The following GRM5 variants were observed in gnomAD, a reference collection of about 807,000 sequenced individuals.
GRM5 encodes metabotropic glutamate receptor 5.
Under a neutral mutation model 83.1 loss-of-function variants are expected in GRM5, and 19 were observed. That is an observed-to-expected ratio of 0.23 (90% CI 0.16 to 0.34). The LOEUF (loss-of-function observed/expected upper bound fraction) is 0.34. GRM5 is among the 10% of genes least tolerant of loss of function. The probability of loss-of-function intolerance (pLI) is 1.00; values close to 1 mark genes in which losing one functional copy is unlikely to be tolerated. For synonymous variants in GRM5, 675 were observed against 633.6 expected (o/e 1.07, Z -0.98); for missense variants, 1,160 against 1,588.3 (o/e 0.73, Z 4.58).
At chr11:88,709,908 G>C (rs1453285768) in intron 3 of GRM5, among the ~76,000 whole-genome samples, 2 of 152,134 alleles carry the variant, frequency 1.3e-5, no homozygotes, top group Non-Finnish European at 2.9e-5. Context: ...GGAGGAAGTT[G>C]GAAAGAAAGC....
intron 2 of GRM5, among the ~76,000 whole-genome samples, chr11:88,868,822 G>A (rs1303911010): frequency 2.0e-5 from 3 of 151,680 alleles, no homozygotes; most frequent in Non-Finnish European, 4.4e-5. Flanking sequence ...AAAGCAAATT[G>A]GAACAGATAT....
chr11:88,786,468 A>G (rs959750483), intron 3 of GRM5, among the ~76,000 whole-genome samples: 2 of 152,062 alleles, frequency 1.3e-5, no homozygotes, highest in South Asian at 2.1e-4. Flanking sequence ...ACATTAACCA[A>G]TCTACTCTCT....
intron 2 of GRM5, among the ~76,000 whole-genome samples, chr11:88,962,078 G>A (rs1938801063): frequency 6.6e-6 from 1 of 152,208 alleles, no homozygotes; most frequent in African/African-American, 2.4e-5. Context: ...AGATGCATAA[G>A]TAGTGCATAA....
At chr11:88,992,702 T>C (rs1170920641) in intron 2 of GRM5, among the ~76,000 whole-genome samples, 2 of 151,542 alleles carry the variant, frequency 1.3e-5, no homozygotes, top group East Asian at 3.9e-4. Context: ...AAATGATGAG[T>C]TCATGTCCTT....
At chr11:88,972,637 T>C (rs1939202659) in intron 2 of GRM5, among the ~76,000 whole-genome samples, 1 of 152,144 alleles carries the variant, frequency 6.6e-6, no homozygotes, top group Non-Finnish European at 1.5e-5. Context: ...TAATCATCAG[T>C]GAAAACTCAT....
At position 88,827,738 on chromosome 11, in the gene GRM5, T is replaced by G. The variant is rs564788946; in HGVS notation, c.911+22168A>C. Reference sequence around the variant, plus strand: ...CAGCTTATTTATTTCATTAGGTGCTTATTTTGTACCAGGTATTCTTTATAG... The same window carrying G: ...CAGCTTATTTATTTCATTAGGTGCTGATTTTGTACCAGGTATTCTTTATAG... On this transcript the variant is annotated intron_variant, in intron 3 of 9. Transcript: ENST00000305447. Among the ~76,000 whole-genome samples the G allele has an allele frequency of 6.6e-5, 10 of 152,324 alleles. No homozygotes were observed. In the South Asian group the frequency reaches 2.1e-3, roughly 32 times the overall value.
intron 2 of GRM5, among the ~76,000 whole-genome samples, chr11:88,893,477 G>A (rs557882257): frequency 4.6e-5 from 7 of 152,034 alleles, no homozygotes; most frequent in Non-Finnish European, 8.8e-5. Flanking sequence ...ACAAGTTTAA[G>A]CACGTCTTAG....
intron 2 of GRM5, among the ~76,000 whole-genome samples, chr11:88,926,531 C>G (rs2135638781): frequency 6.6e-6 from 1 of 152,234 alleles, no homozygotes; most frequent in South Asian, 2.1e-4. Context: ...GTCTTTATCT[C>G]TTCACATATA....
intron 3 of GRM5, among the ~76,000 whole-genome samples, chr11:88,747,553 A>AAAGT (rs941435011): frequency 6.6e-6 from 1 of 152,174 alleles, no homozygotes; most frequent in African/African-American, 2.4e-5. Flanking sequence ...TAAGGACTAC[A>AAAGT]AAGTGATTTC....
chr11:89,060,194 C>A (rs1307810540), intron 1 of GRM5, among the ~76,000 whole-genome samples: 1 of 151,720 alleles, frequency 6.6e-6, no homozygotes, highest in Non-Finnish European at 1.5e-5. Context: ...CCAAACAAAT[C>A]AAATCTCTCT....
rs960713301 is a variant in GRM5, at chr11:88,504,666, G to A, written c.*3926C>T. 2.0e-5 allele frequency: 3 copies of A among 151,980 alleles called. No individual in the cohort carries two copies. The highest frequency in any genetic ancestry group is 2.9e-5 in the Non-Finnish European group (2 of 67,956). 9.4% of individuals were successfully genotyped at this position (151,980 alleles called of 1,614,324 possible). A position where few individuals can be genotyped will look rare whatever the true frequency, so the allele number is the denominator to read the frequency against. ...ATTTAGACAACTGAGAAACAGGCAA[G>A]TATATTTTGAAGTGCTAAAATAAAA... On this transcript the variant is annotated 3_prime_UTR_variant, in exon 10 of 10. Transcript: ENST00000305447.
At chr11:88,874,967 A>C (rs1411222209) in intron 2 of GRM5, among the ~76,000 whole-genome samples, 1 of 151,964 alleles carries the variant, frequency 6.6e-6, no homozygotes, top group East Asian at 1.9e-4. Context: ...TTGCTGATAG[A>C]GGATCTTGTC....
intron 3 of GRM5, among the ~76,000 whole-genome samples, chr11:88,746,067 T>C (rs1292994572): frequency 6.6e-6 from 1 of 152,144 alleles, no homozygotes; most frequent in Non-Finnish European, 1.5e-5. Context: ...TGTTGATCAT[T>C]ATAGCCCCCT....
In GRM5 at chr11:89,047,233, C is replaced by A; in HGVS notation, c.640G>T (p.Val214Leu). ...DIVKRYNWTYVSAVHTEGNYG... is the reference protein window; with the variant it reads ...DIVKRYNWTYLSAVHTEGNYG... Reference sequence around the variant, plus strand: ...TTACCTTCTGTGTGCACGGCTGATACATAGGTCCAGTTGTACCTCTTCACT... The same window carrying A: ...TTACCTTCTGTGTGCACGGCTGATAAATAGGTCCAGTTGTACCTCTTCACT... The change falls in exon 2 of 10, where the codon GTA becomes TTA. Residue 214 changes from valine to leucine, a missense_variant. Physicochemically the swap from Val to Leu is conservative, Grantham distance 32. Coordinates refer to ENST00000305447, the MANE Select transcript of GRM5 (RefSeq NM_001143831.3). This position sits in a 1 kb window ranked among gnomAD's most constrained non-coding sequence, Gnocchi z 5.1. The A allele has an allele frequency of 6.2e-7, 1 of 1,612,170 alleles. No individual in the cohort carries two copies. Among genetic ancestry groups the A allele is most frequent in the Non-Finnish European group, 8.5e-7 (1 of 1,178,558 alleles).
chr11:88,529,249 A>C (rs1941952195), intron 8 of GRM5, among the ~76,000 whole-genome samples: 1 of 151,904 alleles, frequency 6.6e-6, no homozygotes, highest in Non-Finnish European at 1.5e-5. Flanking sequence ...ATAAGGTCAC[A>C]GTCTTGAATG....
At chr11:88,831,156 C>G (rs1215929969) in intron 3 of GRM5, among the ~76,000 whole-genome samples, 2 of 152,184 alleles carry the variant, frequency 1.3e-5, no homozygotes. Flanking sequence ...AGCCCAGTCA[C>G]CACCAGTCTG....
chr11:88,810,938 T>C (rs1167935262), intron 3 of GRM5, among the ~76,000 whole-genome samples: 1 of 152,180 alleles, frequency 6.6e-6, no homozygotes, highest in African/African-American at 2.4e-5. Context: ...GTTGTGCTAT[T>C]AACAAGTTAA....
At chr11:88,580,479 G>C (rs1943196655) in intron 7 of GRM5, among the ~76,000 whole-genome samples, 1 of 152,114 alleles carries the variant, frequency 6.6e-6, no homozygotes, top group Non-Finnish European at 1.5e-5. Flanking sequence ...GATCCTTTTT[G>C]GGAAGGTTAT....
intron 2 of GRM5, among the ~76,000 whole-genome samples, chr11:88,955,539 T>G (rs1319280105): frequency 2.0e-5 from 3 of 152,228 alleles, no homozygotes; most frequent in Admixed American, 1.3e-4. Context: ...TTGCCATATT[T>G]ATTTCTCCAC....
Sources: allele counts gnomAD v4.1 joint callset (sites outside exome capture counted in the v4.1 genomes callset), GRCh38; gene constraint gnomAD v4.1.1; non-coding constraint Gnocchi (gnomAD v3.1); transcripts MANE v1.5; gene names NCBI Gene and HGNC (gene_info 2026-07-23, HGNC 2026-07-21).